MICAL2: variants seen among roughly 807,000 people sequenced by gnomAD.
MICAL2 encodes the protein [F-actin]-monooxygenase MICAL2.
In MICAL2, 77 loss-of-function variants were observed where a neutral mutation model predicts 127.3. That is an observed-to-expected ratio of 0.60 (90% CI 0.50 to 0.73). The LOEUF is 0.73. Among genes scored for constraint, MICAL2 ranks in the 30% least tolerant of loss-of-function variants. The pLI, the probability that MICAL2 is intolerant of heterozygous loss-of-function variation, is 0.00. For missense variants in MICAL2, 1,351 were observed against 1,434.4 expected (o/e 0.94, Z 0.94); for synonymous variants, 570 against 551.1 (o/e 1.03, Z -0.48).
intron 26 of MICAL2, chr11:12,260,468 A>G (rs1316288934): frequency 4.6e-5 from 52 of 1,129,040 alleles, no homozygotes; most frequent in Non-Finnish European, 5.5e-5. Flanking sequence ...ATTTTTTTCT[A>G]TGAGTGTCAA....
intron 1 of MICAL2, among the ~76,000 whole-genome samples, chr11:12,133,865 G>A (rs747986331): frequency 6.6e-6 from 1 of 152,170 alleles, no homozygotes; most frequent in African/African-American, 2.4e-5. Context: ...TCAGGGCTGC[G>A]CTTTCCTCTG....
chr11:12,114,920 C>T (rs910975169), intron 1 of MICAL2, among the ~76,000 whole-genome samples: 3 of 152,130 alleles, frequency 2.0e-5, no homozygotes, highest in South Asian at 2.1e-4. Flanking sequence ...GTGGGGCTGA[C>T]GGAGACTGAG....
intron 32 of MICAL2, among the ~76,000 whole-genome samples, chr11:12,343,406 T>TA (rs57546290): frequency 0.018 from 2,015 of 110,070 alleles, 33 homozygotes; most frequent in Middle Eastern, 0.048. Context: ...TTCATCTCAT[T>TA]AAAAAAAAAA....
intron 15 of MICAL2, among the ~76,000 whole-genome samples, chr11:12,234,018 A>G (rs973121949): frequency 2.6e-5 from 4 of 152,330 alleles, no homozygotes; most frequent in Middle Eastern, 3.4e-3. Context: ...TAACCTTTCC[A>G]TAGACTGCAT....
Position 12,162,318 on chromosome 11 carries a change from T to A in MICAL2, c.163T>A (p.Ser55Thr). Residue 55 changes from serine to threonine, a missense_variant, in exon 3 of 28, where the codon TCC becomes ACC. By Grantham distance (58) the Ser-to-Thr change is moderately conservative. This residue lies in a region of MICAL2 where 599 missense variants were observed against 714.9 expected (regional missense o/e 0.84). Transcript: ENST00000683283. Reference protein sequence around the residue: ...DHRNFYSKLKSKVTTWKAKAL... With the variant: ...DHRNFYSKLKTKVTTWKAKAL... ...CAGAAACTTTTATTCCAAGCTCAAGTCCAAGGTGACCACCTGGAAAGCCAA... is the reference window on the plus strand; with the variant it reads ...CAGAAACTTTTATTCCAAGCTCAAGACCAAGGTGACCACCTGGAAAGCCAA... 3 of 1,614,126 alleles carry A rather than the reference T, an allele frequency of 1.9e-6. No individual in the cohort carries two copies. The highest frequency in any genetic ancestry group is 2.5e-6 in the Non-Finnish European group (3 of 1,180,026).
intron 27 of MICAL2, chr11:12,262,879 C>T: frequency 4.3e-6 from 1 of 233,058 alleles, no homozygotes; most frequent in Non-Finnish European, 8.5e-6. Flanking sequence ...TGAAACAATA[C>T]CATGAGGGGG....
chr11:12,307,486 C>A (rs1249697471), intron 29 of MICAL2, among the ~76,000 whole-genome samples: 1 of 152,146 alleles, frequency 6.6e-6, no homozygotes, highest in Non-Finnish European at 1.5e-5. Context: ...GTTAAGATAT[C>A]TTTGCTAAAC....
At chr11:12,358,236 A>G (rs934838789) in intron 34 of MICAL2, 2 of 1,539,538 alleles carry the variant, frequency 1.3e-6, no homozygotes, top group Admixed American at 1.8e-5. Flanking sequence ...TGTCCATGCC[A>G]AGAACTCTGC....
At chr11:12,213,222 G>A in intron 6 of MICAL2, 33 bp from the exon 7 acceptor site, 2 of 1,581,410 alleles carry the variant, frequency 1.3e-6, no homozygotes, top group Non-Finnish European at 1.7e-6. Context: ...AAATCCAGAA[G>A]ATAGACCCAC....
intron 32 of MICAL2, among the ~76,000 whole-genome samples, chr11:12,337,028 G>A (rs1938776366): frequency 6.6e-6 from 1 of 152,204 alleles, no homozygotes; most frequent in Admixed American, 6.5e-5. Context: ...AGAAGGAATG[G>A]TTCCAGCTCC....
intron 1 of MICAL2, among the ~76,000 whole-genome samples, chr11:12,111,498 C>T (rs931248296): frequency 2.1e-4 from 32 of 152,250 alleles, no homozygotes; most frequent in African/African-American, 7.0e-4. Context: ...GTATTCACCG[C>T]CAGCCTCACT....
At chr11:12,122,472 G>C (rs148559445) in intron 1 of MICAL2, among the ~76,000 whole-genome samples, 1 of 152,126 alleles carries the variant, frequency 6.6e-6, no homozygotes, top group East Asian at 1.9e-4. Context: ...AGTGTAGTGC[G>C]ATCCTGGCTC....
chr11:12,258,183 T>C (rs927087759), intron 24 of MICAL2, among the ~76,000 whole-genome samples: 1 of 152,184 alleles, frequency 6.6e-6, no homozygotes, highest in African/African-American at 2.4e-5. Context: ...GGTGCGGGCA[T>C]GCCACCCTAC....
intron 13 of MICAL2, 57 bp downstream of exon 13, chr11:12,224,877 T>C (rs1409360585): frequency 6.5e-7 from 1 of 1,543,220 alleles, no homozygotes; most frequent in South Asian, 1.1e-5. Context: ...GCCATTCTGC[T>C]GCATGCAGAA....
At chr11:12,260,194 G>A (rs1165944840) in intron 26 of MICAL2, 2 of 1,478,258 alleles carry the variant, frequency 1.4e-6, no homozygotes, top group Non-Finnish European at 1.8e-6. Context: ...GCCCCAAAGT[G>A]CCTTCACATT....
Position 12,258,550 on chromosome 11 carries a change from A to G in MICAL2, c.3225A>G (p.Gln1075=). 3 of 1,613,368 alleles carry G rather than the reference A, an allele frequency of 1.9e-6. No homozygotes were observed. The highest frequency in any genetic ancestry group is 2.5e-6 in the Non-Finnish European group (3 of 1,179,578). ...QRKRRAELKQ[Q]REEEATWQEQ... ...AGAGACGGGCAGAGTTGAAGCAACA[A>G]AGAGAGGTATGTTTGTCTCAAACAT... The change falls in exon 25 of 28, where the codon CAA becomes CAG. Residue 1075 remains glutamine (Q), a synonymous_variant. Transcript: ENST00000683283.
At chr11:12,358,683 C>G, downstream of MICAL2, 1 of 402,536 alleles carries the variant, frequency 2.5e-6, no homozygotes, top group Non-Finnish European at 4.3e-6. Context: ...AACCCAAAGA[C>G]TCTTTGGCAA....
intron 21 of MICAL2, among the ~76,000 whole-genome samples, 181 bp downstream of exon 21, chr11:12,244,293 C>T (rs1334269379): frequency 6.6e-6 from 1 of 152,190 alleles, no homozygotes; most frequent in Non-Finnish European, 1.5e-5. Context: ...CACGGCAGAA[C>T]AGGCAGTGTA....
At chr11:12,167,322 G>A (rs1855629334) in intron 3 of MICAL2, among the ~76,000 whole-genome samples, 1 of 152,176 alleles carries the variant, frequency 6.6e-6, no homozygotes, top group Non-Finnish European at 1.5e-5. Context: ...TGAGTATGCA[G>A]CAGGGTCACC....
Sources: allele counts gnomAD v4.1 joint callset (sites outside exome capture counted in the v4.1 genomes callset), GRCh38; gene constraint gnomAD v4.1.1; regional missense constraint gnomAD v4.1.1; transcripts MANE v1.5; gene names NCBI Gene and HGNC (gene_info 2026-07-23, HGNC 2026-07-21).